Variants in TPH2 observed in about 807,000 individuals in gnomAD.
TPH2 encodes tryptophan hydroxylase 2, also known as tryptophan 5-hydroxylase 2.
A neutral mutation model predicts 59.1 loss-of-function variants in TPH2; 27 were observed. The observed-to-expected ratio is 0.46, with a 90% CI of 0.34 to 0.63. The LOEUF (loss-of-function observed/expected upper bound fraction) is 0.63. Ranked by LOEUF, TPH2 falls within the 30% of genes least tolerant of loss-of-function variation. TPH2 has a pLI of 0.01. For missense variants in TPH2, 523 were observed against 588.3 expected (o/e 0.89, Z 1.15); for synonymous variants, 220 against 210.5 (o/e 1.05, Z -0.39).
At chr12:72,018,459 G>A (rs1462786703) in intron 8 of TPH2, among the ~76,000 whole-genome samples, 1 of 152,158 alleles carries the variant, frequency 6.6e-6, no homozygotes, top group African/African-American at 2.4e-5. Flanking sequence ...CTGTGTCTAT[G>A]GCACACCAGA....
At chr12:71,981,241 C>G (rs1872268700) in intron 7 of TPH2, among the ~76,000 whole-genome samples, 1 of 152,180 alleles carries the variant, frequency 6.6e-6, no homozygotes, top group Non-Finnish European at 1.5e-5. Flanking sequence ...GCTTGTTAGA[C>G]CAGAATAGCC....
intron 5 of TPH2, among the ~76,000 whole-genome samples, chr12:71,970,444 G>A (rs1871942318): frequency 6.6e-6 from 1 of 152,168 alleles, no homozygotes; most frequent in Admixed American, 6.6e-5. Context: ...GAATATTCAG[G>A]TCCCCTCTGA....
Position 71,938,929 on chromosome 12 carries a change from G to T in TPH2, c.-58G>T, listed in dbSNP as rs1326974133. 1 of 1,431,142 alleles carries T rather than the reference G, an allele frequency of 7.0e-7. No homozygotes were observed. The highest frequency in any genetic ancestry group is 9.8e-7 in the Non-Finnish European group (1 of 1,015,774). 88.7% of individuals were successfully genotyped at this position (1,431,142 alleles called of 1,614,324 possible). On this transcript the variant is annotated 5_prime_UTR_variant, in exon 1 of 11. Transcript: ENST00000333850. ...CCCCTTCCTCTCAATCTCCGCCAGC[G>T]CTGCTACTGCCCCTCTAGTACCCCC...
intron 1 of TPH2, among the ~76,000 whole-genome samples, chr12:71,940,103 A>G (rs1419808534): frequency 6.6e-6 from 1 of 152,222 alleles, no homozygotes; most frequent in Non-Finnish European, 1.5e-5. Flanking sequence ...TATCATGAAT[A>G]TTTGGATGAG....
In TPH2 at chr12:71,971,584, C is replaced by A. The variant is rs1279605624; in HGVS notation, c.609-935C>A. 1.5e-4 allele frequency among the ~76,000 whole-genome samples: 23 copies of A among 152,134 alleles called. 1 individual carries two copies. Among genetic ancestry groups the A allele is most frequent in the Admixed American group, 1.5e-3 (23 of 15,272 alleles). On this transcript the variant is annotated intron_variant, in intron 5 of 10. Coordinates refer to ENST00000333850, the MANE Select transcript of TPH2 (RefSeq NM_173353.4). The stretch of plus-strand genomic sequence containing the variant: ...TGCTGGCTGCTATTATATTAGAGCA[C>A]CAGTTTCTCCTGACTTTCTTTTTGT...
At chr12:72,001,242 A>G (rs1477542113) in intron 8 of TPH2, among the ~76,000 whole-genome samples, 1 of 152,084 alleles carries the variant, frequency 6.6e-6, no homozygotes, top group Non-Finnish European at 1.5e-5. Context: ...AAGATTTGTT[A>G]CTGGATCTCA....
chr12:71,985,955 T>C (rs919279737), intron 7 of TPH2, among the ~76,000 whole-genome samples: 1 of 152,210 alleles, frequency 6.6e-6, no homozygotes, highest in Admixed American at 6.5e-5. Context: ...GTATTGAGCA[T>C]AGCTTATATG....
intron 9 of TPH2, among the ~76,000 whole-genome samples, chr12:72,023,087 A>AT (rs545048505): frequency 0.021 from 3,125 of 152,168 alleles, 124 homozygotes; most frequent in African/African-American, 0.072. Context: ...TAAAATGGTC[A>AT]CTTTTTTTTT....
intron 8 of TPH2, among the ~76,000 whole-genome samples, chr12:72,020,015 C>T (rs11179055): frequency 0.53 from 80,132 of 152,056 alleles, 22,436 homozygotes; most frequent in Non-Finnish European, 0.64. Flanking sequence ...ATTCATTTAC[C>T]GTTTATTTAT....
chr12:71,975,640 T>G (rs1482170403), intron 6 of TPH2, among the ~76,000 whole-genome samples: 1 of 152,228 alleles, frequency 6.6e-6, no homozygotes, highest in African/African-American at 2.4e-5. Flanking sequence ...ATTCTACCTA[T>G]TCTTCAGGAC....
At chr12:72,004,876 T>C (rs148707451) in intron 8 of TPH2, among the ~76,000 whole-genome samples, 12 of 152,292 alleles carry the variant, frequency 7.9e-5, no homozygotes, top group Non-Finnish European at 1.5e-4. Context: ...AACTGTGATA[T>C]AAAAACCCAG....
intron 9 of TPH2, among the ~76,000 whole-genome samples, chr12:72,026,203 A>ATTT (rs200217774): frequency 1.5e-4 from 22 of 145,566 alleles, no homozygotes; most frequent in Admixed American, 1.0e-3. Context: ...CAGAGATTAG[A>ATTT]TTTTTTTTTT....
chr12:71,975,799 C>T (rs1434001081), intron 6 of TPH2, among the ~76,000 whole-genome samples: 1 of 152,236 alleles, frequency 6.6e-6, no homozygotes, highest in African/African-American at 2.4e-5. Flanking sequence ...ATCAGTATCA[C>T]TTAATTAGCA....
chr12:71,955,594 C>CA, intron 5 of TPH2, among the ~76,000 whole-genome samples: 1 of 152,168 alleles, frequency 6.6e-6, no homozygotes, highest in East Asian at 1.9e-4. Context: ...TTCTGTACCT[C>CA]AGTTTCCTTA....
chr12:72,004,861 T>C (rs1872912391), intron 8 of TPH2, among the ~76,000 whole-genome samples: 1 of 152,204 alleles, frequency 6.6e-6, no homozygotes, highest in Non-Finnish European at 1.5e-5. Flanking sequence ...AAAGCTATTC[T>C]TCTGAACTGT....
intron 5 of TPH2, among the ~76,000 whole-genome samples, chr12:71,951,593 C>T (rs913265240): frequency 2.6e-5 from 4 of 152,188 alleles, no homozygotes; most frequent in African/African-American, 9.7e-5. Context: ...AGTGATCCTC[C>T]TGCCTTGGCC....
intron 7 of TPH2, among the ~76,000 whole-genome samples, chr12:71,988,519 G>A (rs1872502485): frequency 6.6e-6 from 1 of 152,046 alleles, no homozygotes; most frequent in Non-Finnish European, 1.5e-5. Context: ...GGAGGGTGTG[G>A]GCCACACACT....
intron 10 of TPH2, 61 bp from the exon 11 acceptor site, chr12:72,031,460 A>T (rs1414910185): frequency 6.8e-6 from 11 of 1,612,614 alleles, no homozygotes; most frequent in Non-Finnish European, 9.3e-6. Context: ...CCTTCCTTTT[A>T]TCTATCCCTC....
rs113652963 is a variant in TPH2, at chr12:71,947,194, C to T, written c.541-2394C>T. ...TGTTCCAGCTCAGCGATTCTCATCC[C>T]TAGCTTTCCATTCACATCACATGTG... On this transcript the variant is annotated intron_variant, in intron 4 of 10. Transcript: ENST00000333850. Among the ~76,000 whole-genome samples, 14 of 152,224 alleles carry T rather than the reference C, an allele frequency of 9.2e-5. 1 individual carries two copies. Among genetic ancestry groups the T allele is most frequent in the African/African-American group, 3.4e-4 (14 of 41,536 alleles).
Sources: gnomAD v4.1 joint callset for allele counts (sites outside exome capture counted in the v4.1 genomes callset) on GRCh38, gnomAD v4.1.1 for gene constraint, MANE v1.5 for transcripts, NCBI Gene and HGNC (gene_info 2026-07-23, HGNC 2026-07-21) for gene names.